Variants in RIMBP2 observed in about 807,000 individuals in gnomAD.
RIMBP2 encodes the protein RIMS binding protein 2.
In RIMBP2, 48 loss-of-function variants were observed where a neutral mutation model predicts 118.6. That is an observed-to-expected ratio of 0.40 (90% CI 0.32 to 0.51). The LOEUF is 0.51. Ranked by LOEUF, RIMBP2 falls within the 20% of genes least tolerant of loss-of-function variation. RIMBP2 has a pLI of 0.41. For missense variants in RIMBP2, 1,551 were observed against 1,768.3 expected (o/e 0.88, Z 2.20); for synonymous variants, 762 against 742.9 (o/e 1.03, Z -0.42).
At chr12:130,411,783 A>T (rs907775048) in intron 19 of RIMBP2, among the ~76,000 whole-genome samples, 2 of 152,206 alleles carry the variant, frequency 1.3e-5, no homozygotes, top group East Asian at 3.8e-4. Context: ...CGACTATTAG[A>T]TGTGGATTCT....
At chr12:130,646,041 C>CCCTCTCCACCTCCCTCACCACCTG (rs1298255270) in intron 1 of RIMBP2, among the ~76,000 whole-genome samples, 35 of 146,804 alleles carry the variant, frequency 2.4e-4, no homozygotes, top group Admixed American at 8.9e-4. Flanking sequence ...GCAGCCAGTT[C>CCCTCTCCACCTCCCTCACCACCTG]CCTCTCCACC....
intron 2 of RIMBP2, among the ~76,000 whole-genome samples, chr12:130,561,900 G>T (rs1419377765): frequency 5.3e-5 from 8 of 151,982 alleles, no homozygotes; most frequent in Admixed American, 5.2e-4. Context: ...AAATTTATCT[G>T]AATTTATCTT....
At chr12:130,532,773 A>G (rs1408185654) in intron 2 of RIMBP2, among the ~76,000 whole-genome samples, 2 of 147,248 alleles carry the variant, frequency 1.4e-5, no homozygotes, top group African/African-American at 5.0e-5. Context: ...GCGTGTGTTC[A>G]GCCTCTAGGA....
In RIMBP2 at chr12:130,617,073, C is replaced by G. The variant is rs1371700868; in HGVS notation, c.-217+11249G>C. Among the ~76,000 whole-genome samples, 1 of 152,150 alleles carries G rather than the reference C, an allele frequency of 6.6e-6. No homozygotes were observed. Among genetic ancestry groups the G allele is most frequent in the Non-Finnish European group, 1.5e-5 (1 of 68,028 alleles). On this transcript the variant is annotated intron_variant, in intron 2 of 22. Transcript: ENST00000690449. This position sits in a 1 kb window ranked among gnomAD's most constrained non-coding sequence, Gnocchi z 4.6. ...CACCCCATCTCTCATTTTTCCAGGACTGCCAGCCTTACATCTCATGTTCTG... is the reference window on the plus strand; with the variant it reads ...CACCCCATCTCTCATTTTTCCAGGAGTGCCAGCCTTACATCTCATGTTCTG...
At chr12:130,471,119 C>T (rs1352152360) in intron 5 of RIMBP2, among the ~76,000 whole-genome samples, 3 of 152,224 alleles carry the variant, frequency 2.0e-5, no homozygotes, top group Non-Finnish European at 4.4e-5. Context: ...CTCTAGGTTC[C>T]CTGAGACCTC....
chr12:130,534,559 C>T (rs969737666), intron 2 of RIMBP2, among the ~76,000 whole-genome samples: 12 of 152,196 alleles, frequency 7.9e-5, no homozygotes, highest in African/African-American at 1.7e-4. Context: ...GCAAATGTAG[C>T]GGGAAGTGTG....
At chr12:130,539,295 T>C (rs1324479428) in intron 2 of RIMBP2, among the ~76,000 whole-genome samples, 1 of 152,202 alleles carries the variant, frequency 6.6e-6, no homozygotes, top group African/African-American at 2.4e-5. Context: ...TTATATAATA[T>C]ATATAACATG....
intron 20 of RIMBP2, among the ~76,000 whole-genome samples, chr12:130,406,701 C>G (rs559271696): frequency 1.3e-5 from 2 of 152,246 alleles, no homozygotes; most frequent in East Asian, 1.9e-4. Context: ...GGCTGGAGTG[C>G]AGCAGTGCAA....
intron 1 of RIMBP2, among the ~76,000 whole-genome samples, chr12:130,643,132 C>A (rs952028529): frequency 6.6e-6 from 1 of 152,358 alleles, no homozygotes; most frequent in South Asian, 2.1e-4. Flanking sequence ...CACCTGCCAA[C>A]CTGTGCCAAC....
At chr12:130,436,724 G>GC in intron 13 of RIMBP2, 118 bp downstream of exon 13, 3 of 799,570 alleles carry the variant, frequency 3.8e-6, no homozygotes, top group South Asian at 4.2e-5. Context: ...GCTGAGCGCG[G>GC]CCCCCCTCCC....
intron 14 of RIMBP2, chr12:130,429,424 T>C (rs1183826689): frequency 6.6e-6 from 1 of 152,156 alleles, no homozygotes. Flanking sequence ...AGCCGCTGGG[T>C]TTCCACTCAC....
chr12:130,464,139 C>T (rs1175637202), intron 6 of RIMBP2, among the ~76,000 whole-genome samples: 3 of 152,108 alleles, frequency 2.0e-5, no homozygotes, highest in African/African-American at 7.2e-5. Context: ...AAGAAACAAC[C>T]ACGAATAGCC....
intron 1 of RIMBP2, among the ~76,000 whole-genome samples, chr12:130,685,740 C>T (rs2065009809): frequency 6.6e-6 from 1 of 152,194 alleles, no homozygotes; most frequent in African/African-American, 2.4e-5. Flanking sequence ...AGCCCCCTTC[C>T]CCTCAGGCCT....
intron 1 of RIMBP2, among the ~76,000 whole-genome samples, chr12:130,666,821 T>G (rs1435942952): frequency 8.0e-3 from 362 of 45,506 alleles, no homozygotes; most frequent in Middle Eastern, 0.023. Flanking sequence ...GAGGAAGAGA[T>G]GGAAGAAGGG....
At chr12:130,560,079 C>T (rs2056694810) in intron 2 of RIMBP2, among the ~76,000 whole-genome samples, 1 of 152,162 alleles carries the variant, frequency 6.6e-6, no homozygotes, top group Non-Finnish European at 1.5e-5. Context: ...AACACACGGC[C>T]AAAGTCCAGG....
intron 1 of RIMBP2, among the ~76,000 whole-genome samples, chr12:130,645,674 G>A (rs1196714023): frequency 2.0e-5 from 3 of 152,232 alleles, no homozygotes; most frequent in African/African-American, 4.8e-5. Flanking sequence ...AGAGCAGAGA[G>A]AAGGATGAGA....
intron 2 of RIMBP2, among the ~76,000 whole-genome samples, chr12:130,547,749 C>CA (rs1566241371): frequency 6.6e-6 from 1 of 152,244 alleles, no homozygotes; most frequent in East Asian, 1.9e-4. Context: ...AGGGAGATCT[C>CA]AGAGCAAAGC....
chr12:130,518,196 G>A (rs952687079), intron 2 of RIMBP2, among the ~76,000 whole-genome samples: 16 of 152,124 alleles, frequency 1.1e-4, no homozygotes, highest in Admixed American at 2.6e-4. Context: ...AAAAGCAACG[G>A]AACTTCTCGC....
chr12:130,442,820 C>T lies in RIMBP2; in HGVS notation c.692-160G>A, dbSNP rs1228899266. The stretch of plus-strand genomic sequence containing the variant: ...CAGGAGTCCATGCTGGGGCCAGCTC[C>T]ACACCCACCATCTAAAGAGCCAGCT... On this transcript the variant is annotated intron_variant, in intron 10 of 22. Coordinates refer to ENST00000690449, the MANE Select transcript of RIMBP2 (RefSeq NM_001393629.1). The surrounding 1 kb of genome is among the most constrained non-coding windows in gnomAD (Gnocchi z 6.9). 6.6e-6 allele frequency among the ~76,000 whole-genome samples: 1 copy of T among 152,192 alleles called. No individual in the cohort carries two copies. Among genetic ancestry groups the T allele is most frequent in the Non-Finnish European group, 1.5e-5 (1 of 68,048 alleles).
Sources: allele counts gnomAD v4.1 joint callset (sites outside exome capture counted in the v4.1 genomes callset), GRCh38; gene constraint gnomAD v4.1.1; non-coding constraint Gnocchi (gnomAD v3.1); transcripts MANE v1.5; gene names NCBI Gene and HGNC (gene_info 2026-07-23, HGNC 2026-07-21).